The following SBF2 variants were observed in gnomAD, a reference collection of about 807,000 sequenced individuals.
SBF2 encodes the protein SET binding factor 2.
Under a neutral mutation model 225.2 loss-of-function variants are expected in SBF2, and 112 were observed. The ratio of observed to expected loss-of-function variants is 0.50; its 90% CI spans 0.43 to 0.58. SBF2 has a LOEUF of 0.58. Among genes scored for constraint, SBF2 ranks in the 20% least tolerant of loss-of-function variants. The pLI, the probability that SBF2 is intolerant of heterozygous loss-of-function variation, is 0.00. For synonymous variants in SBF2, 763 were observed against 773.3 expected (o/e 0.99, Z 0.22); for missense variants, 1,996 against 2,206.2 (o/e 0.90, Z 1.91).
At position 9,968,400 on chromosome 11, in the gene SBF2, T is replaced by C. The variant is rs1411627374; in HGVS notation, c.1541A>G (p.Asn514Ser). 3.7e-6 allele frequency: 6 copies of C among 1,614,138 alleles called. No homozygotes were observed. Among genetic ancestry groups the C allele is most frequent in the South Asian group, 2.2e-5 (2 of 91,074 alleles). Residue 514 changes from asparagine to serine, a missense_variant, in exon 14 of 40, where the codon AAT becomes AGT. Transcript: ENST00000256190. ...TTCTATTCGTGTGGCAGGAGGTGCA[T>C]TCTGGTTCTTAGCAACATTTTCCTG... ...LIQENVAKNQNAPPATRIEKK... is the reference protein window; with the variant it reads ...LIQENVAKNQSAPPATRIEKK...
chr11:10,302,708 A>G (rs912778309), intron 1 of SBF2: 5 of 152,350 alleles, frequency 3.3e-5, no homozygotes, highest in Admixed American at 3.3e-4. Context: ...TGGCAGAGCC[A>G]CAGCTCAAGT....
intron 2 of SBF2, among the ~76,000 whole-genome samples, chr11:10,141,351 A>T (rs1443969657): frequency 1.3e-5 from 2 of 152,106 alleles, no homozygotes; most frequent in African/African-American, 2.4e-5. Context: ...TCATTAGATA[A>T]TTTTTCCATT....
intron 13 of SBF2, among the ~76,000 whole-genome samples, chr11:9,977,572 A>C (rs1946757976): frequency 6.6e-6 from 1 of 152,144 alleles, no homozygotes; most frequent in African/African-American, 2.4e-5. Flanking sequence ...AAGATTCTGA[A>C]AGCCAAAAAA....
chr11:10,079,513 C>G (rs1001306857), intron 2 of SBF2, among the ~76,000 whole-genome samples: 2 of 152,104 alleles, frequency 1.3e-5, no homozygotes, highest in African/African-American at 2.4e-5. Context: ...AAACTGAAGA[C>G]AGGTCTTTCA....
intron 2 of SBF2, among the ~76,000 whole-genome samples, chr11:10,092,413 G>A (rs927708855): frequency 6.6e-6 from 1 of 152,094 alleles, no homozygotes; most frequent in African/African-American, 2.4e-5. Flanking sequence ...TGTAATTTTT[G>A]CAGCTTATGT....
chr11:9,954,057 A>G (rs1866009924), intron 16 of SBF2, among the ~76,000 whole-genome samples: 1 of 152,222 alleles, frequency 6.6e-6, no homozygotes, highest in Non-Finnish European at 1.5e-5. Flanking sequence ...ATACTAAAAT[A>G]TGATCAGTTC....
At chr11:10,262,080 T>C (rs978587751) in intron 1 of SBF2, among the ~76,000 whole-genome samples, 5 of 152,170 alleles carry the variant, frequency 3.3e-5, no homozygotes, top group African/African-American at 9.7e-5. Context: ...TATTTCATTA[T>C]ATGTGAACAT....
At chr11:10,254,397 AAAG>A (rs928333490) in intron 1 of SBF2, among the ~76,000 whole-genome samples, 1 of 151,822 alleles carries the variant, frequency 6.6e-6, no homozygotes, top group Non-Finnish European at 1.5e-5. Flanking sequence ...AAAAAAAAAA[AAAG>A]AACTACCTAT....
At chr11:10,301,757 C>G (rs574721589) in intron 1 of SBF2, among the ~76,000 whole-genome samples, 1 of 152,250 alleles carries the variant, frequency 6.6e-6, no homozygotes, top group East Asian at 1.9e-4. Context: ...TTTTTAAACT[C>G]CAAACTTTAC....
chr11:10,125,108 CAAA>C (rs374673085), intron 2 of SBF2, among the ~76,000 whole-genome samples: 1 of 102,476 alleles, frequency 9.8e-6, no homozygotes. Flanking sequence ...GACTGTGTCT[CAAA>C]AAAAAAAAAA....
chr11:9,886,699 G>GTTTTTTTTTTTTTTTT (rs61240594), intron 17 of SBF2, among the ~76,000 whole-genome samples: 1 of 133,740 alleles, frequency 7.5e-6, no homozygotes, highest in Non-Finnish European at 1.6e-5. Flanking sequence ...TGATTCATGT[G>GTTTTTTTTTTTTTTTT]TTTTTTTTTT....
intron 2 of SBF2, among the ~76,000 whole-genome samples, chr11:10,125,775 C>A (rs552763623): frequency 6.6e-6 from 1 of 152,182 alleles, no homozygotes; most frequent in Non-Finnish European, 1.5e-5. Context: ...CATTTAGCAT[C>A]ATGACTCTTT....
chr11:9,869,203 A>G (rs1053361375), intron 17 of SBF2, among the ~76,000 whole-genome samples: 9 of 152,374 alleles, frequency 5.9e-5, no homozygotes, highest in African/African-American at 2.2e-4. Context: ...TTAAAAATTA[A>G]TATCTCTATC....
intron 2 of SBF2, among the ~76,000 whole-genome samples, chr11:10,192,554 G>T (rs1591181992): frequency 6.6e-6 from 1 of 152,018 alleles, no homozygotes; most frequent in East Asian, 1.9e-4. Flanking sequence ...TTAAACAATG[G>T]GACAACTCAT....
At chr11:10,243,475 G>A (rs942269601) in intron 1 of SBF2, among the ~76,000 whole-genome samples, 5 of 150,922 alleles carry the variant, frequency 3.3e-5, no homozygotes, top group African/African-American at 1.2e-4. Flanking sequence ...AAAAATTAGA[G>A]TCAAAATAAA....
intron 16 of SBF2, chr11:9,959,214 C>T: frequency 1.3e-6 from 1 of 778,100 alleles, no homozygotes; most frequent in Non-Finnish European, 2.4e-6. Context: ...ACTGGGCAGG[C>T]ATGACCTCAG....
chr11:9,946,814 G>C, intron 16 of SBF2, among the ~76,000 whole-genome samples: 1 of 152,056 alleles, frequency 6.6e-6, no homozygotes, highest in South Asian at 2.1e-4. Context: ...GATATAACTA[G>C]GTAAGATACT....
At chr11:9,813,537 A>C (rs751921671) in intron 29 of SBF2, among the ~76,000 whole-genome samples, 1 of 152,128 alleles carries the variant, frequency 6.6e-6, no homozygotes, top group Non-Finnish European at 1.5e-5. Flanking sequence ...CATGTTGCCC[A>C]GGATGGTCTC....
intron 16 of SBF2, among the ~76,000 whole-genome samples, chr11:9,906,189 T>A (rs1057213290): frequency 6.6e-6 from 1 of 152,214 alleles, no homozygotes; most frequent in Non-Finnish European, 1.5e-5. Context: ...CTGAAGACTG[T>A]CATGAGGCCC....
Sources: allele counts gnomAD v4.1 joint callset (sites outside exome capture counted in the v4.1 genomes callset), GRCh38; gene constraint gnomAD v4.1.1; transcripts MANE v1.5; gene names NCBI Gene and HGNC (gene_info 2026-07-23, HGNC 2026-07-21).